The following CADPS2 variants were observed in gnomAD, a reference collection of about 807,000 sequenced individuals.
The protein encoded by CADPS2 is calcium dependent secretion activator 2.
In CADPS2, 93 loss-of-function variants were observed where a neutral mutation model predicts 172.5. The observed-to-expected ratio is 0.54, with a 90% CI of 0.46 to 0.64. The LOEUF (loss-of-function observed/expected upper bound fraction) is 0.64, where lower values mean the gene tolerates loss of function less well. Ranked by LOEUF, CADPS2 falls within the 30% of genes least tolerant of loss-of-function variation. The pLI is 0.00. For missense variants in CADPS2, 1,420 were observed against 1,565.9 expected (o/e 0.91, Z 1.57); for synonymous variants, 546 against 555.2 (o/e 0.98, Z 0.23).
intron 2 of CADPS2, among the ~76,000 whole-genome samples, chr7:122,716,461 G>A (rs2089612455): frequency 6.6e-6 from 1 of 152,044 alleles, no homozygotes; most frequent in African/African-American, 2.4e-5. Flanking sequence ...AAAGAGCAGG[G>A]GTAAGGGAGC....
In CADPS2 at chr7:122,379,410, G is replaced by A. The variant is rs572495018; in HGVS notation, c.3345C>T (p.Ile1115=). Reference sequence around the variant, plus strand: ...AAATGATTTCTTTTACACTGTTGTCGATCAGATCATCTATTTTTGAATGGT... The same window carrying A: ...AAATGATTTCTTTTACACTGTTGTCAATCAGATCATCTATTTTTGAATGGT... ...QQYHSKIDDL[I]DNSVKEIISL... is the part of the protein sequence containing the mutation. The change falls in exon 25 of 30, where the codon ATC becomes ATT. Residue 1115 remains isoleucine (I), a synonymous_variant. Coordinates refer to ENST00000449022, the MANE Select transcript of CADPS2 (RefSeq NM_017954.11). 15 of 1,602,874 alleles carry A rather than the reference G, an allele frequency of 9.4e-6. No homozygotes were observed. The highest frequency in any genetic ancestry group is 1.7e-4 in the Middle Eastern group (1 of 5,908).
chr7:122,427,524 T>A (rs1363293509), intron 17 of CADPS2: 2 of 152,192 alleles, frequency 1.3e-5, no homozygotes, highest in Non-Finnish European at 2.9e-5. Context: ...TACAGAGGAA[T>A]TGAGTTCATC....
intron 1 of CADPS2, among the ~76,000 whole-genome samples, chr7:122,812,449 A>ATTT (rs199722643): frequency 0.016 from 2,484 of 151,858 alleles, 65 homozygotes; most frequent in African/African-American, 0.057. Flanking sequence ...GCAAGCAAAG[A>ATTT]AAGAAAGAAA....
chr7:122,321,414 C>T (rs562439867), intron 29 of CADPS2, among the ~76,000 whole-genome samples: 237 of 152,356 alleles, frequency 1.6e-3, no homozygotes, highest in Middle Eastern at 6.8e-3. Context: ...ATGATCCTCA[C>T]ATCTCAGCCT....
At chr7:122,545,323 A>G (rs1050342796) in intron 8 of CADPS2, among the ~76,000 whole-genome samples, 1 of 152,164 alleles carries the variant, frequency 6.6e-6, no homozygotes, top group African/African-American at 2.4e-5. Context: ...CATATGTATG[A>G]GAAAATGTGT....
chr7:122,544,245 T>TTA (rs1455624349), intron 8 of CADPS2, among the ~76,000 whole-genome samples: 1 of 152,094 alleles, frequency 6.6e-6, no homozygotes, highest in African/African-American at 2.4e-5. Flanking sequence ...GCAGGAAAGA[T>TTA]TATATATATG....
chr7:122,649,582 A>G (rs2078920084), intron 3 of CADPS2, among the ~76,000 whole-genome samples: 1 of 152,204 alleles, frequency 6.6e-6, no homozygotes, highest in South Asian at 2.1e-4. Flanking sequence ...AAGCTCTTCT[A>G]TTCATTCTAA....
chr7:122,697,677 GAAGT>G, intron 2 of CADPS2: 1 of 822,462 alleles, frequency 1.2e-6, no homozygotes, highest in Non-Finnish European at 1.9e-6. Context: ...TAAAATTACT[GAAGT>G]AACAAAAAAG....
intron 1 of CADPS2, among the ~76,000 whole-genome samples, chr7:122,753,355 G>A (rs1003304154): frequency 1.1e-4 from 17 of 152,056 alleles, no homozygotes; most frequent in African/African-American, 4.1e-4. Context: ...CATGCAAAGA[G>A]GAAACTTTAA....
intron 1 of CADPS2, among the ~76,000 whole-genome samples, chr7:122,839,010 G>A (rs974661031): frequency 3.9e-5 from 6 of 152,142 alleles, no homozygotes; most frequent in African/African-American, 1.4e-4. Context: ...GAGGCATCAT[G>A]CTACCTCACT....
chr7:122,727,652 A>C (rs1453954021), intron 2 of CADPS2, among the ~76,000 whole-genome samples: 1 of 151,880 alleles, frequency 6.6e-6, no homozygotes, highest in Non-Finnish European at 1.5e-5. Context: ...TCAAGCAACA[A>C]AATTCTACAA....
intron 2 of CADPS2, among the ~76,000 whole-genome samples, chr7:122,680,002 T>A (rs977396247): frequency 1.3e-5 from 2 of 152,210 alleles, no homozygotes; most frequent in African/African-American, 4.8e-5. Flanking sequence ...TTGACCTATG[T>A]ACAGGAATGA....
intron 3 of CADPS2, among the ~76,000 whole-genome samples, chr7:122,642,520 A>G (rs1476174108): frequency 3.4e-5 from 5 of 148,236 alleles, no homozygotes; most frequent in Admixed American, 2.7e-4. Flanking sequence ...AACGTAGCAT[A>G]AAATAACTAC....
intron 12 of CADPS2, among the ~76,000 whole-genome samples, chr7:122,478,659 CAACTT>C (rs2056969490): frequency 6.6e-6 from 1 of 152,178 alleles, no homozygotes; most frequent in African/African-American, 2.4e-5. Context: ...CTGACAGTAT[CAACTT>C]AAATAGGTAA....
intron 9 of CADPS2, among the ~76,000 whole-genome samples, chr7:122,494,339 T>A (rs2058561978): frequency 6.6e-6 from 1 of 152,208 alleles, no homozygotes; most frequent in Non-Finnish European, 1.5e-5. Flanking sequence ...CAAAGATGTA[T>A]ATGCATTGTG....
intron 1 of CADPS2, among the ~76,000 whole-genome samples, chr7:122,787,588 T>C (rs1276653219): frequency 6.6e-6 from 1 of 152,174 alleles, no homozygotes; most frequent in African/African-American, 2.4e-5. Context: ...TCCATATCCA[T>C]CTCCGCCAAT....
intron 3 of CADPS2, among the ~76,000 whole-genome samples, chr7:122,645,536 A>ATG (rs2078405155): frequency 7.5e-6 from 1 of 132,756 alleles, no homozygotes; most frequent in African/African-American, 2.7e-5. Flanking sequence ...AAGTATATAT[A>ATG]TATACTTATA....
chr7:122,545,253 C>T (rs530886238), intron 8 of CADPS2, among the ~76,000 whole-genome samples: 184 of 152,190 alleles, frequency 1.2e-3, no homozygotes, highest in Middle Eastern at 6.8e-3. Flanking sequence ...TTGCAGTTAG[C>T]GGAGAGTCTG....
intron 6 of CADPS2, among the ~76,000 whole-genome samples, chr7:122,613,268 CACA>C (rs1213645686): frequency 1.3e-5 from 2 of 151,938 alleles, no homozygotes; most frequent in African/African-American, 4.8e-5. Flanking sequence ...ATTTGCAAAT[CACA>C]TATATGATGT....
Sources: allele counts gnomAD v4.1 joint callset (sites outside exome capture counted in the v4.1 genomes callset), GRCh38; gene constraint gnomAD v4.1.1; transcripts MANE v1.5; gene names NCBI Gene and HGNC (gene_info 2026-07-23, HGNC 2026-07-21).